PCTP: variants seen among roughly 807,000 people sequenced by gnomAD.
The protein encoded by PCTP is START domain-containing protein 2.
Under a neutral mutation model 31.0 loss-of-function variants are expected in PCTP, and 27 were observed. The observed-to-expected ratio is 0.87, with a 90% CI of 0.64 to 1.20. The LOEUF (loss-of-function observed/expected upper bound fraction) is 1.20. Among genes scored for constraint, PCTP ranks in the 50% most tolerant of loss-of-function variants. The probability of loss-of-function intolerance (pLI) is 0.00; values close to 1 mark genes in which losing one functional copy is unlikely to be tolerated. For synonymous variants in PCTP, 108 were observed against 101.2 expected (o/e 1.07, Z -0.40); for missense variants, 287 against 268.2 (o/e 1.07, Z -0.49).
intron 5 of PCTP, among the ~76,000 whole-genome samples, chr17:55,841,775 T>C (rs1317832089): frequency 3.3e-5 from 5 of 152,224 alleles, no homozygotes; most frequent in African/African-American, 2.4e-5. Flanking sequence ...GTATGCAAAT[T>C]ACTCATACAG....
At chr17:55,806,585 A>T (rs1028914489) in intron 3 of PCTP, among the ~76,000 whole-genome samples, 5 of 152,142 alleles carry the variant, frequency 3.3e-5, no homozygotes, top group Admixed American at 2.6e-4. Context: ...CCCTAGGATG[A>T]TGACCCTCCT....
chr17:55,771,117 C>T lies in PCTP; in HGVS notation c.271C>T (p.Gln91Ter). 1 of 1,612,954 alleles carries T rather than the reference C, an allele frequency of 6.2e-7. No homozygotes were observed. The highest frequency in any genetic ancestry group is 8.5e-7 in the Non-Finnish European group (1 of 1,178,974). ...TTGCTTTCCTTTAGAACTCTATGAA[C>T]AAGAATGCAACGGAGAGACTGTGGT... The part of the protein sequence containing the change: ...WDQYVKELYE[Q>*]ECNGETVVYW... Residue 91 changes from glutamine to a stop codon, truncating the protein, a stop_gained, in exon 3 of 6, where the codon CAA becomes TAA. Transcript: ENST00000268896. LOFTEE classifies it high-confidence loss of function.
intron 3 of PCTP, among the ~76,000 whole-genome samples, chr17:55,813,452 G>T (rs1011957377): frequency 6.6e-6 from 1 of 151,826 alleles, no homozygotes; most frequent in Non-Finnish European, 1.5e-5. Context: ...GTAGAGACAG[G>T]TTTTTTTGTG....
chr17:55,791,212 A>G (rs1480578722), intron 3 of PCTP, among the ~76,000 whole-genome samples: 2 of 151,960 alleles, frequency 1.3e-5, no homozygotes, highest in South Asian at 2.1e-4. Context: ...CTAGAAGAAA[A>G]CCTAGGCATT....
At chr17:55,823,407 T>C (rs1905297155), downstream of PCTP, among the ~76,000 whole-genome samples, 1 of 152,178 alleles carries the variant, frequency 6.6e-6, no homozygotes, top group African/African-American at 2.4e-5. Context: ...CTTTAAAACA[T>C]TTTTTTCAAA....
chr17:55,794,766 A>G (rs140472427), intron 3 of PCTP, among the ~76,000 whole-genome samples: 1 of 152,110 alleles, frequency 6.6e-6, no homozygotes, highest in East Asian at 1.9e-4. Context: ...AGCTCTAACG[A>G]CAAATTCCAG....
chr17:55,793,556 T>A (rs1912079621), intron 3 of PCTP, among the ~76,000 whole-genome samples: 1 of 152,076 alleles, frequency 6.6e-6, no homozygotes, highest in African/African-American at 2.4e-5. Flanking sequence ...CTTACTAAAC[T>A]GTTTGGTGAT....
chr17:55,776,828 CT>C lies in PCTP; in HGVS notation c.*732del, dbSNP rs1352595604. 1 of 1,023,398 alleles carries C rather than the reference CT, an allele frequency of 9.8e-7. No homozygotes were observed. The highest frequency in any genetic ancestry group is 1.2e-6 in the Non-Finnish European group (1 of 855,604). 63.4% of individuals were successfully genotyped at this position (1,023,398 alleles called of 1,614,324 possible). A position where few individuals can be genotyped will look rare whatever the true frequency, so the allele number is the denominator to read the frequency against. On this transcript the variant is annotated 3_prime_UTR_variant, in exon 6 of 6. Coordinates refer to ENST00000268896, the MANE Select transcript of PCTP (RefSeq NM_021213.4). The stretch of plus-strand genomic sequence containing the variant: ...ATCCATGAGGAAATGGATGATTTCT[CT>C]TTTCCATATGTCACTGGGGGAAAGG...
At chr17:55,816,470 G>T (rs1912921149) in intron 3 of PCTP, among the ~76,000 whole-genome samples, 1 of 152,152 alleles carries the variant, frequency 6.6e-6, no homozygotes, top group South Asian at 2.1e-4. Context: ...ACTTGATTTA[G>T]GTATATTAAA....
chr17:55,774,396 A>T (rs1911190623), intron 4 of PCTP, among the ~76,000 whole-genome samples: 1 of 152,196 alleles, frequency 6.6e-6, no homozygotes, highest in African/African-American at 2.4e-5. Flanking sequence ...TGTGGCCTTG[A>T]GTCCTAGGCA....
intron 5 of PCTP, among the ~76,000 whole-genome samples, chr17:55,833,314 C>A (rs935108577): frequency 1.3e-5 from 2 of 152,164 alleles, no homozygotes; most frequent in African/African-American, 4.8e-5. Flanking sequence ...TTTCTGAATA[C>A]AACAAGTAAC....
chr17:55,831,761 C>T (rs568606026), intron 5 of PCTP, among the ~76,000 whole-genome samples: 10 of 152,266 alleles, frequency 6.6e-5, no homozygotes, highest in South Asian at 6.2e-4. Flanking sequence ...TCACCACGCC[C>T]GGCCAAACAG....
the PCTP span, among the ~76,000 whole-genome samples, chr17:55,850,825 T>A: frequency 1.3e-5 from 2 of 152,242 alleles, no homozygotes; most frequent in Non-Finnish European, 2.9e-5. Flanking sequence ...TTATCATTGG[T>A]CAGAGATTTT....
In PCTP at chr17:55,785,573, C is replaced by T. The variant is rs187409798; in HGVS notation, c.229-1993C>T. ...GCTCAAATGTTTTCCTCTCCAAAGT[C>T]GTCTCTCTCTAAAACAAACCAAACC... On this transcript the variant is annotated intron_variant, in intron 2 of 3. Transcript: ENST00000572536. 3.9e-3 allele frequency among the ~76,000 whole-genome samples: 593 copies of T among 152,312 alleles called. 1 individual carries two copies. Among genetic ancestry groups the T allele is most frequent in the Middle Eastern group, 0.02 (6 of 294 alleles).
chr17:55,770,423 G>A (rs1597984170), intron 2 of PCTP: 2 of 152,176 alleles, frequency 1.3e-5, no homozygotes, highest in African/African-American at 4.8e-5. Flanking sequence ...GGAATTAAAG[G>A]GCTCAGAAGC....
At chr17:55,841,298 A>G (rs1905974240) in intron 5 of PCTP, among the ~76,000 whole-genome samples, 1 of 152,180 alleles carries the variant, frequency 6.6e-6, no homozygotes, top group Non-Finnish European at 1.5e-5. Flanking sequence ...TAGGCTGCAG[A>G]TCATGCAGGG....
intron 3 of PCTP, among the ~76,000 whole-genome samples, chr17:55,809,728 G>T (rs903865462): frequency 2.0e-5 from 3 of 152,106 alleles, no homozygotes; most frequent in East Asian, 1.9e-4. Context: ...TCACCATGTT[G>T]GCCCAGATGG....
intron 3 of PCTP, among the ~76,000 whole-genome samples, chr17:55,809,313 A>G (rs1198464470): frequency 6.6e-6 from 1 of 152,170 alleles, no homozygotes; most frequent in Non-Finnish European, 1.5e-5. Flanking sequence ...TTCTTTATAT[A>G]TGATATTACA....
At chr17:55,767,261 G>T (rs1022328224) in intron 1 of PCTP, 74 bp from the exon 2 acceptor site, 65 of 910,680 alleles carry the variant, frequency 7.1e-5, no homozygotes, top group Non-Finnish European at 1.0e-4. Context: ...AAGCTCTTTA[G>T]TTTAATTATG....
Sources: allele counts gnomAD v4.1 joint callset (sites outside exome capture counted in the v4.1 genomes callset), GRCh38; gene constraint gnomAD v4.1.1; transcripts MANE v1.5; gene names NCBI Gene and HGNC (gene_info 2026-07-23, HGNC 2026-07-21).